Variants in CCDC171 observed in about 807,000 individuals in gnomAD.
CCDC171 encodes the protein coiled-coil domain-containing protein 171.
A neutral mutation model predicts 168.2 loss-of-function variants in CCDC171; 177 were observed. The ratio of observed to expected loss-of-function variants is 1.05; its 90% CI spans 0.93 to 1.19. The LOEUF (loss-of-function observed/expected upper bound fraction) is 1.19, where lower values mean the gene tolerates loss of function less well. Ranked by LOEUF, CCDC171 falls within the 50% of genes most tolerant of loss-of-function variation. The pLI, the probability that CCDC171 is intolerant of heterozygous loss-of-function variation, is 0.00. For synonymous variants in CCDC171, 687 were observed against 540.8 expected (o/e 1.27, Z -3.75); for missense variants, 1,991 against 1,539.0 (o/e 1.29, Z -4.91).
At chr9:15,686,311 G>C (rs1333707332) in intron 10 of CCDC171, among the ~76,000 whole-genome samples, 9 of 152,082 alleles carry the variant, frequency 5.9e-5, no homozygotes, top group African/African-American at 2.2e-4. Context: ...TTTTAGTTGT[G>C]TGACTTTAGT....
chr9:16,000,863 G>A (rs532122770), intron 3 of CCDC171, among the ~76,000 whole-genome samples: 2 of 152,150 alleles, frequency 1.3e-5, no homozygotes, highest in East Asian at 1.9e-4. Context: ...ATAATGAGAC[G>A]AGAATGCTGT....
intron 14 of CCDC171, among the ~76,000 whole-genome samples, chr9:15,727,350 A>G (rs974813680): frequency 6.6e-6 from 1 of 152,196 alleles, no homozygotes; most frequent in East Asian, 1.9e-4. Context: ...GGAAGAAGAA[A>G]GCTGAGTAAT....
intron 3 of CCDC171, among the ~76,000 whole-genome samples, chr9:15,572,255 C>T (rs1229665496): frequency 9.2e-5 from 14 of 152,092 alleles, no homozygotes; most frequent in South Asian, 4.1e-4. Flanking sequence ...GATAGTTTTC[C>T]TTCCCTTCTA....
intron 18 of CCDC171, among the ~76,000 whole-genome samples, chr9:15,747,518 C>T (rs1176236510): frequency 6.6e-6 from 1 of 152,180 alleles, no homozygotes; most frequent in Non-Finnish European, 1.5e-5. Flanking sequence ...TGGCATCTGG[C>T]AGGTGCCCCT....
intron 21 of CCDC171, among the ~76,000 whole-genome samples, chr9:15,793,287 A>G (rs1353322262): frequency 2.6e-5 from 4 of 152,002 alleles, no homozygotes; most frequent in Non-Finnish European, 5.9e-5. Flanking sequence ...TCCTAAATAT[A>G]TATGCACCCA....
At chr9:16,005,499 A>G (rs1832670445) in intron 3 of CCDC171, among the ~76,000 whole-genome samples, 1 of 152,208 alleles carries the variant, frequency 6.6e-6, no homozygotes, top group South Asian at 2.1e-4. Flanking sequence ...TTTTCTTTTG[A>G]GTACAGTTGA....
intron 18 of CCDC171, among the ~76,000 whole-genome samples, chr9:15,759,412 C>A (rs1424666349): frequency 6.6e-6 from 1 of 152,172 alleles, no homozygotes; most frequent in African/African-American, 2.4e-5. Flanking sequence ...CAGAATGCAA[C>A]TGTCAACATC....
chr9:15,713,404 G>C (rs566406078), intron 11 of CCDC171, among the ~76,000 whole-genome samples: 1 of 151,916 alleles, frequency 6.6e-6, no homozygotes, highest in South Asian at 2.1e-4. Flanking sequence ...AATGTAACAG[G>C]AATAGGGCCC....
intron 11 of CCDC171, among the ~76,000 whole-genome samples, chr9:15,696,558 T>G (rs2051232276): frequency 6.6e-6 from 1 of 152,192 alleles, no homozygotes; most frequent in East Asian, 1.9e-4. Flanking sequence ...AAATTTTCCT[T>G]TGCACTGGTA....
intron 11 of CCDC171, among the ~76,000 whole-genome samples, chr9:15,701,233 C>T (rs892093724): frequency 2.6e-5 from 4 of 152,082 alleles, no homozygotes; most frequent in Admixed American, 2.6e-4. Context: ...TGGGCAGAAG[C>T]TATGTAGTTT....
At chr9:15,677,933 G>T (rs2049750574) in intron 9 of CCDC171, among the ~76,000 whole-genome samples, 1 of 50,570 alleles carries the variant, frequency 2.0e-5, no homozygotes, top group Non-Finnish European at 3.9e-5. Flanking sequence ...TATAAGAGAT[G>T]TGGTCTCATT....
chr9:15,788,056 A>G (rs188802317), intron 21 of CCDC171, among the ~76,000 whole-genome samples: 251 of 152,334 alleles, frequency 1.6e-3, no homozygotes, highest in African/African-American at 5.7e-3. Flanking sequence ...TTAAATTGCC[A>G]GTAGCTTAAA....
intron 11 of CCDC171, among the ~76,000 whole-genome samples, chr9:15,695,858 TA>T (rs1445968990): frequency 6.6e-6 from 1 of 152,226 alleles, no homozygotes; most frequent in Non-Finnish European, 1.5e-5. Context: ...ATTTTAGTTG[TA>T]GTTATTAGCC....
At chr9:15,688,240 C>A (rs988490232) in intron 10 of CCDC171, among the ~76,000 whole-genome samples, 11 of 151,682 alleles carry the variant, frequency 7.3e-5, no homozygotes, top group Non-Finnish European at 1.3e-4. Context: ...AAAAAACTCC[C>A]ACAAAGAAAA....
intron 6 of CCDC171, among the ~76,000 whole-genome samples, chr9:15,601,267 A>C (rs1320368170): frequency 6.6e-6 from 1 of 152,192 alleles, no homozygotes; most frequent in South Asian, 2.1e-4. Context: ...CTATTTGGCC[A>C]TCTTGGCTCC....
intron 7 of CCDC171, among the ~76,000 whole-genome samples, chr9:15,649,000 C>A (rs911710474): frequency 2.0e-5 from 3 of 152,160 alleles, no homozygotes; most frequent in African/African-American, 7.2e-5. Context: ...TCAAACTATA[C>A]TACAAGGCTA....
intron 24 of CCDC171, among the ~76,000 whole-genome samples, chr9:15,883,354 C>T (rs1818968707): frequency 6.6e-6 from 1 of 152,044 alleles, no homozygotes; most frequent in Admixed American, 6.5e-5. Flanking sequence ...GCCACCATGG[C>T]TGGCTCTTTT....
At chr9:15,992,040 A>G (rs918489895) in intron 3 of CCDC171, among the ~76,000 whole-genome samples, 2 of 152,256 alleles carry the variant, frequency 1.3e-5, no homozygotes, top group Admixed American at 6.5e-5. Flanking sequence ...AACTATTTCA[A>G]TCAGTAGAAA....
chr9:15,946,361 T>G (rs994091531), intron 25 of CCDC171, among the ~76,000 whole-genome samples: 2 of 151,976 alleles, frequency 1.3e-5, no homozygotes. Flanking sequence ...TCACAAGCGT[T>G]CTTATACACC....
Sources: allele counts gnomAD v4.1 joint callset (sites outside exome capture counted in the v4.1 genomes callset), GRCh38; gene constraint gnomAD v4.1.1; transcripts MANE v1.5; gene names NCBI Gene and HGNC (gene_info 2026-07-23, HGNC 2026-07-21).